The following STPG2 variants were observed in gnomAD, a reference collection of about 807,000 sequenced individuals.
The protein encoded by STPG2 is sperm-tail PG-rich repeat-containing protein 2.
A neutral mutation model predicts 54.2 loss-of-function variants in STPG2; 56 were observed. The observed-to-expected ratio is 1.03, with a 90% CI of 0.83 to 1.29. The LOEUF is 1.29. Ranked by LOEUF, STPG2 falls within the 50% of genes most tolerant of loss-of-function variation. The probability of loss-of-function intolerance (pLI) is 0.00; values close to 1 mark genes in which losing one functional copy is unlikely to be tolerated. For synonymous variants in STPG2, 200 were observed against 181.8 expected, an observed-to-expected ratio of 1.10 and a Z score of -0.81; for missense variants, 596 against 544.9, an observed-to-expected ratio of 1.09 and a Z score of -0.93.
chr4:97,814,495 A>AT (rs1283767409), intron 9 of STPG2, among the ~76,000 whole-genome samples: 2 of 151,996 alleles, frequency 1.3e-5, no homozygotes, highest in African/African-American at 2.4e-5. Context: ...CACCTGGGTA[A>AT]TTTTTTTATT....
chr4:97,545,408 T>C (rs960450), intron 4 of STPG2, among the ~76,000 whole-genome samples: 73,716 of 151,916 alleles, frequency 0.49, 18,739 homozygotes, highest in South Asian at 0.65. Context: ...CTTTAAGAAA[T>C]ACCCTTGATG....
chr4:98,093,551 T>G (rs138113576), intron 5 of STPG2, among the ~76,000 whole-genome samples: 47 of 152,314 alleles, frequency 3.1e-4, no homozygotes, highest in Admixed American at 2.7e-3. Flanking sequence ...TTTTAACAAC[T>G]ATCTACATGA....
At chr4:97,518,263 C>G (rs1731115080) in intron 4 of STPG2, among the ~76,000 whole-genome samples, 1 of 151,988 alleles carries the variant, frequency 6.6e-6, no homozygotes, top group Non-Finnish European at 1.5e-5. Context: ...ATTCCTGAAG[C>G]ATTCATTTAA....
intron 7 of STPG2, among the ~76,000 whole-genome samples, chr4:97,959,710 A>T (rs918669428): frequency 2.6e-5 from 4 of 151,874 alleles, no homozygotes; most frequent in African/African-American, 9.7e-5. Flanking sequence ...ATAAAAACTT[A>T]CCAAGAAAAA....
intron 10 of STPG2, among the ~76,000 whole-genome samples, chr4:97,609,614 T>C (rs1733684101): frequency 6.6e-6 from 1 of 151,924 alleles, no homozygotes; most frequent in African/African-American, 2.4e-5. Flanking sequence ...AGCTTTATGA[T>C]CTCTCTTGTC....
intron 10 of STPG2, among the ~76,000 whole-genome samples, chr4:97,679,868 A>G (rs1396562322): frequency 2.8e-4 from 43 of 152,010 alleles, no homozygotes; most frequent in African/African-American, 1.0e-3. Flanking sequence ...TCCCATCACC[A>G]TTTATTAAAT....
chr4:97,696,334 A>C (rs1276631912), intron 10 of STPG2, among the ~76,000 whole-genome samples: 2 of 152,204 alleles, frequency 1.3e-5, no homozygotes, highest in East Asian at 3.9e-4. Flanking sequence ...ACACAGAAGA[A>C]AACTGAATCT....
chr4:97,950,461 T>C lies in STPG2; in HGVS notation c.934-6454A>G, dbSNP rs185788395. On this transcript the variant is annotated intron_variant, in intron 7 of 10. Transcript: ENST00000295268. ...TCCAGAAGTTCTGATTTTTTTCTCT[T>C]TAAAATATGTATCTCTTCATTCATA... Among the ~76,000 whole-genome samples the C allele has an allele frequency of 2.9e-4, 44 of 152,332 alleles. 1 individual carries two copies. Among genetic ancestry groups the C allele is most frequent in the Admixed American group, 2.4e-3 (37 of 15,300 alleles).
chr4:97,597,973 C>T (rs1225646295), intron 10 of STPG2, among the ~76,000 whole-genome samples: 1 of 151,792 alleles, frequency 6.6e-6, no homozygotes, highest in African/African-American at 2.4e-5. Flanking sequence ...GATTCTATAC[C>T]TAGAAAATCA....
chr4:97,538,435 G>C (rs909458175), intron 4 of STPG2, among the ~76,000 whole-genome samples: 1 of 152,180 alleles, frequency 6.6e-6, no homozygotes, highest in Admixed American at 6.5e-5. Context: ...TGGAAGAAAG[G>C]ATATCAGGGA....
intron 10 of STPG2, among the ~76,000 whole-genome samples, chr4:97,671,132 C>A: frequency 6.6e-6 from 1 of 152,110 alleles, no homozygotes; most frequent in East Asian, 1.9e-4. Context: ...AGATACAATA[C>A]CCCAACCTCT....
rs62315847 is a variant in STPG2 at position 97,534,647 on chromosome 4, C to T, written c.462+178052G>A. ...ATTTTATTGAAGTATAAGTTACATA[C>T]ATTAAACTTTACCCTTTATACATAA... On this transcript the variant is annotated intron_variant, in intron 4 of 4. Transcript: ENST00000522676. Among the ~76,000 whole-genome samples, 11 of 152,178 alleles carry T rather than the reference C, an allele frequency of 7.2e-5. No homozygotes were observed. In the East Asian group the frequency reaches 2.1e-3, roughly 29 times the overall value.
rs138933673 is a variant in STPG2, at chr4:97,808,400, C to A, written c.1204+32373G>T. On this transcript the variant is annotated intron_variant, in intron 9 of 10. Transcript: ENST00000295268. The stretch of plus-strand genomic sequence containing the variant: ...ATAAGATAAAAGTCATCAACTAATA[C>A]CTGACTTTGATAAGTGAAAGAGGTA... Among the ~76,000 whole-genome samples, 639 of 151,944 alleles carry A rather than the reference C, an allele frequency of 4.2e-3. 3 individuals carry two copies. The highest frequency in any genetic ancestry group is 0.024 in the South Asian group (114 of 4,824).
intron 9 of STPG2, among the ~76,000 whole-genome samples, chr4:97,813,677 TAAAAAAAAAAAAAAAA>T (rs869298230): frequency 0.12 from 5,597 of 46,242 alleles, 286 homozygotes; most frequent in Non-Finnish European, 0.15. Context: ...CCCTGTCTCT[TAAAAAAAAAAAAAAAA>T]AAAAAAAAAA....
chr4:97,482,659 C>T (rs1241670997), intron 4 of STPG2, among the ~76,000 whole-genome samples: 1 of 151,500 alleles, frequency 6.6e-6, no homozygotes, highest in Admixed American at 6.6e-5. Flanking sequence ...AGAAAACTTC[C>T]CTGGCCTTGC....
At chr4:97,894,764 A>C (rs1730897491) in intron 8 of STPG2, among the ~76,000 whole-genome samples, 1 of 151,964 alleles carries the variant, frequency 6.6e-6, no homozygotes, top group South Asian at 2.1e-4. Flanking sequence ...CAAATTTCCA[A>C]ATGCTGGTAT....
chr4:97,752,722 A>G (rs1293301967), intron 9 of STPG2, among the ~76,000 whole-genome samples: 1 of 151,880 alleles, frequency 6.6e-6, no homozygotes, highest in Non-Finnish European at 1.5e-5. Flanking sequence ...CTAATTACAG[A>G]ATCCAAGACT....
intron 10 of STPG2, among the ~76,000 whole-genome samples, chr4:97,689,456 C>T (rs570341357): frequency 3.3e-5 from 5 of 151,902 alleles, no homozygotes; most frequent in Non-Finnish European, 2.9e-5. Flanking sequence ...GAAAATGTTG[C>T]AACAATTGAT....
chr4:97,595,261 T>C (rs902403030), intron 10 of STPG2, among the ~76,000 whole-genome samples: 2 of 152,182 alleles, frequency 1.3e-5, no homozygotes, highest in African/African-American at 4.8e-5. Flanking sequence ...CATGGAATAC[T>C]ATGCAGCCAT....
Sources: allele counts gnomAD v4.1 joint callset (sites outside exome capture counted in the v4.1 genomes callset), GRCh38; gene constraint gnomAD v4.1.1; transcripts MANE v1.5; gene names NCBI Gene and HGNC (gene_info 2026-07-23, HGNC 2026-07-21).